PATJ: variants seen among roughly 807,000 people sequenced by gnomAD.
PATJ encodes the protein inaD-like protein.
In PATJ, 190 loss-of-function variants were observed where a neutral mutation model predicts 224.9. That is an observed-to-expected ratio of 0.84 (90% CI 0.75 to 0.95). The LOEUF (loss-of-function observed/expected upper bound fraction) is 0.95. PATJ is among the 40% of genes least tolerant of loss of function. The pLI is 0.00. For synonymous variants in PATJ, 769 were observed against 820.3 expected, an observed-to-expected ratio of 0.94 and a Z score of 1.07; for missense variants, 2,121 against 2,270.3, an observed-to-expected ratio of 0.93 and a Z score of 1.34.
At chr1:61,783,082 G>A (rs1647680436) in intron 7 of PATJ, among the ~76,000 whole-genome samples, 1 of 152,216 alleles carries the variant, frequency 6.6e-6, no homozygotes, top group African/African-American at 2.4e-5. Context: ...AACTTTGAGA[G>A]ACTTTCAGTG....
At chr1:61,795,636 G>T in intron 10 of PATJ, 78 bp downstream of exon 10, 1 of 812,374 alleles carries the variant, frequency 1.2e-6, no homozygotes, top group South Asian at 1.6e-5. Context: ...ATGTGAGAGG[G>T]GGAATAGCTT....
intron 31 of PATJ, among the ~76,000 whole-genome samples, chr1:62,066,769 G>C (rs1656514276): frequency 6.6e-6 from 1 of 152,118 alleles, no homozygotes; most frequent in African/African-American, 2.4e-5. Flanking sequence ...CTCCCTGAAG[G>C]CTCAGACTTT....
chr1:61,966,638 A>G lies in PATJ; in HGVS notation c.3671-23530A>G, dbSNP rs926576109. Among the ~76,000 whole-genome samples the G allele has an allele frequency of 3.4e-5, 5 of 146,888 alleles. No homozygotes were observed. The South Asian group carries it at 1.1e-3, about 32-fold the overall frequency. On this transcript the variant is annotated intron_variant, in intron 27 of 43. Transcript: ENST00000642238. ...GAGGCAGAGGTTGCAGTGAGTCGAG[A>G]TTGCATCATTGCACTCCAGCCTGGG... is the stretch of plus-strand genomic sequence containing the variant.
intron 17 of PATJ, among the ~76,000 whole-genome samples, chr1:61,852,947 T>G (rs930850441): frequency 1.3e-5 from 2 of 152,150 alleles, no homozygotes; most frequent in Non-Finnish European, 2.9e-5. Flanking sequence ...TCATAAAAAA[T>G]GAAGCAGTGA....
chr1:61,766,305 A>G lies in PATJ; in HGVS notation c.216A>G (p.Ser72=). 1.2e-6 allele frequency: 2 copies of G among 1,610,680 alleles called. No homozygotes were observed. Among genetic ancestry groups the G allele is most frequent in the Non-Finnish European group, 1.7e-6 (2 of 1,178,476 alleles). The change falls in exon 4 of 44, where the codon TCA becomes TCG. Residue 72 remains serine, a synonymous_variant. Transcript: ENST00000642238. The part of the protein sequence containing the change: ...GQLNHIPSDC[S]ANFDFSRKGL... Reference sequence around the variant, plus strand: ...TCAACCATATACCCTCAGATTGTTCAGCCAACTTTGATTTTTCTAGGAAAG... The same window carrying G: ...TCAACCATATACCCTCAGATTGTTCGGCCAACTTTGATTTTTCTAGGAAAG...
At chr1:62,104,523 C>T (rs1423646622) in intron 33 of PATJ, among the ~76,000 whole-genome samples, 1 of 152,128 alleles carries the variant, frequency 6.6e-6, no homozygotes, top group Non-Finnish European at 1.5e-5. Context: ...ACTACAGGGG[C>T]ACACAATAAG....
chr1:61,799,175 A>AT (rs1212647328), intron 11 of PATJ, among the ~76,000 whole-genome samples: 4 of 152,204 alleles, frequency 2.6e-5, no homozygotes, highest in South Asian at 2.1e-4. Context: ...CATTAAAAAA[A>AT]TTTTTTTTAA....
chr1:62,129,359 A>G (rs773282586), intron 41 of PATJ, among the ~76,000 whole-genome samples: 28 of 151,802 alleles, frequency 1.8e-4, no homozygotes, highest in Non-Finnish European at 3.5e-4. Flanking sequence ...TTCCTTTAGC[A>G]TAGATTGCCA....
chr1:61,934,523 C>T (rs1450516034), intron 27 of PATJ, among the ~76,000 whole-genome samples: 1 of 152,172 alleles, frequency 6.6e-6, no homozygotes, highest in Non-Finnish European at 1.5e-5. Context: ...TGAATGCATT[C>T]TCATTGGATA....
chr1:62,093,703 T>A (rs182539827), intron 33 of PATJ, among the ~76,000 whole-genome samples: 479 of 152,306 alleles, frequency 3.1e-3, no homozygotes, highest in Non-Finnish European at 3.8e-3. Flanking sequence ...AGCAAAAATA[T>A]TATGTAAGCT....
At chr1:61,960,146 G>A (rs572251245) in intron 27 of PATJ, among the ~76,000 whole-genome samples, 16 of 152,260 alleles carry the variant, frequency 1.1e-4, no homozygotes, top group Admixed American at 2.6e-4. Flanking sequence ...GTGGTTAAGA[G>A]CATGGGATTT....
rs1302393455 is a variant in PATJ at position 62,128,856 on chromosome 1, G to C, written c.5182G>C (p.Val1728Leu). The C allele has an allele frequency of 1.2e-6, 2 of 1,611,262 alleles. No homozygotes were observed. The highest frequency in any genetic ancestry group is 1.7e-6 in the Non-Finnish European group (2 of 1,177,478). Residue 1728 changes from valine (V) to leucine (L), a missense_variant, in exon 41 of 44, where the codon GTC (valine) becomes CTC (leucine). Physicochemically the swap from Val to Leu is conservative, Grantham distance 32. Coordinates refer to ENST00000642238, the MANE Select transcript of PATJ (RefSeq NM_001350145.3). ...TQKLKVGDRIVSINGQPLDGL... is the reference protein window; with the variant it reads ...TQKLKVGDRILSINGQPLDGL... ...GTACTTCCAGGTTGGAGATCGGATT[G>C]TCAGCATTAACGGGCAACCTTTGGA...
At chr1:62,134,247 T>C (rs941255333) in intron 41 of PATJ, among the ~76,000 whole-genome samples, 5 of 150,456 alleles carry the variant, frequency 3.3e-5, no homozygotes, top group African/African-American at 1.2e-4. Context: ...GGTCTCATTA[T>C]TGGCCTGCAC....
At chr1:62,092,164 G>A (rs917349535) in intron 33 of PATJ, among the ~76,000 whole-genome samples, 1 of 151,660 alleles carries the variant, frequency 6.6e-6, no homozygotes, top group Admixed American at 6.6e-5. Context: ...GGTTGCTTGA[G>A]GCCAGGAGTT....
chr1:61,996,081 A>G (rs1295852849), intron 28 of PATJ, among the ~76,000 whole-genome samples: 3 of 152,220 alleles, frequency 2.0e-5, no homozygotes, highest in Non-Finnish European at 2.9e-5. Context: ...CCTTTGTATC[A>G]TTCACCTAAA....
At chr1:61,880,581 A>G (rs1442555321) in intron 21 of PATJ, among the ~76,000 whole-genome samples, 1 of 152,220 alleles carries the variant, frequency 6.6e-6, no homozygotes, top group East Asian at 1.9e-4. Context: ...CGTAGAAGGT[A>G]TGCAAACCAA....
intron 6 of PATJ, among the ~76,000 whole-genome samples, chr1:61,773,784 AAAAAAAC>A (rs919337218): frequency 5.0e-4 from 75 of 151,306 alleles, no homozygotes; most frequent in African/African-American, 1.5e-3. Flanking sequence ...ACTCTGTCTC[AAAAAAAC>A]AAAAAACAAA....
chr1:61,966,823 T>A (rs182333284), intron 27 of PATJ, among the ~76,000 whole-genome samples: 3 of 152,200 alleles, frequency 2.0e-5, no homozygotes, highest in Non-Finnish European at 4.4e-5. Flanking sequence ...CTTCCCTTTT[T>A]AGACCATATA....
chr1:62,021,035 G>T (rs536333869), intron 29 of PATJ, among the ~76,000 whole-genome samples: 2 of 152,050 alleles, frequency 1.3e-5, no homozygotes, highest in South Asian at 4.2e-4. Flanking sequence ...CACTATGTTG[G>T]CCAGGCTGGT....
Sources: gnomAD v4.1 joint callset for allele counts (sites outside exome capture counted in the v4.1 genomes callset) on GRCh38, gnomAD v4.1.1 for gene constraint, MANE v1.5 for transcripts, NCBI Gene and HGNC (gene_info 2026-07-23, HGNC 2026-07-21) for gene names.